The following CORIN variants were observed in gnomAD, a reference collection of about 807,000 sequenced individuals.
CORIN encodes the protein atrial natriuretic peptide-converting enzyme.
Under a neutral mutation model 125.3 loss-of-function variants are expected in CORIN, and 117 were observed. The ratio of observed to expected loss-of-function variants is 0.93; its 90% CI spans 0.80 to 1.09. The LOEUF (loss-of-function observed/expected upper bound fraction) is 1.09. Ranked by LOEUF, CORIN falls within the 50% of genes least tolerant of loss-of-function variation. The pLI, the probability that CORIN is intolerant of heterozygous loss-of-function variation, is 0.00. For missense variants in CORIN, 1,253 were observed against 1,306.7 expected, an observed-to-expected ratio of 0.96 and a Z score of 0.63; for synonymous variants, 450 against 466.4, an observed-to-expected ratio of 0.96 and a Z score of 0.45.
chr4:47,750,261 C>G (rs183042902), intron 4 of CORIN, among the ~76,000 whole-genome samples: 1 of 152,138 alleles, frequency 6.6e-6, no homozygotes, highest in Non-Finnish European at 1.5e-5. Context: ...CTCCACTAAA[C>G]GTGGGGATGG....
At chr4:47,613,356 G>A (rs954785602) in intron 19 of CORIN, among the ~76,000 whole-genome samples, 4 of 152,184 alleles carry the variant, frequency 2.6e-5, no homozygotes, top group Non-Finnish European at 4.4e-5. Context: ...GGGAGGCTGA[G>A]GCAGGAGAAT....
intron 4 of CORIN, among the ~76,000 whole-genome samples, chr4:47,749,502 G>A (rs756283142): frequency 9.2e-5 from 14 of 152,150 alleles, no homozygotes; most frequent in Non-Finnish European, 1.6e-4. Flanking sequence ...ATCCTTCCCA[G>A]GTCAAGCCTT....
At chr4:47,618,231 G>A (rs1722144834) in intron 19 of CORIN, among the ~76,000 whole-genome samples, 1 of 151,882 alleles carries the variant, frequency 6.6e-6, no homozygotes, top group African/African-American at 2.4e-5. Context: ...CTACTTGGGA[G>A]GCTGAGGCAG....
At position 47,665,051 on chromosome 4, in the gene CORIN, C is replaced by A. The variant is rs755588946; in HGVS notation, c.1570G>T (p.Glu524Ter). 1 of 1,610,034 alleles carries A rather than the reference C, an allele frequency of 6.2e-7. No homozygotes were observed. ...LVPKCDVNTG[E>*]HIPPCRALCE... ...TATTACCTGCAAGGAGGGATATGCT[C>A]GCCTGTATTCACATCACATTTTGGT... is the stretch of plus-strand genomic sequence containing the variant. Residue 524 changes from glutamate to a stop codon, truncating the protein, a stop_gained, in exon 11 of 22, where the codon GAG becomes TAG. Coordinates refer to ENST00000273857, the MANE Select transcript of CORIN (RefSeq NM_006587.4). LOFTEE classifies it high-confidence loss of function.
At chr4:47,798,658 ATTTATTAAAAGAATGTT>A (rs1332244133) in intron 2 of CORIN, among the ~76,000 whole-genome samples, 1 of 152,204 alleles carries the variant, frequency 6.6e-6, no homozygotes, top group East Asian at 1.9e-4. Context: ...CTGGTACAGA[ATTTATTAAAAGAATGTT>A]TTTAATTTTT....
intron 6 of CORIN, among the ~76,000 whole-genome samples, chr4:47,689,680 T>G (rs1200963269): frequency 1.3e-5 from 2 of 152,232 alleles, no homozygotes; most frequent in Admixed American, 6.5e-5. Context: ...TCCTAGGCAC[T>G]ATTCTAGGAG....
chr4:47,749,765 T>C (rs77535651), intron 4 of CORIN, among the ~76,000 whole-genome samples: 4 of 152,236 alleles, frequency 2.6e-5, no homozygotes, highest in Non-Finnish European at 5.9e-5. Context: ...CACACAATCA[T>C]CTTTTTAAAA....
At chr4:47,700,693 G>C (rs1031368456) in intron 5 of CORIN, among the ~76,000 whole-genome samples, 2 of 152,184 alleles carry the variant, frequency 1.3e-5, no homozygotes, top group Non-Finnish European at 2.9e-5. Context: ...GGTCCCCAGG[G>C]TCCAGCTTTC....
intron 5 of CORIN, among the ~76,000 whole-genome samples, chr4:47,721,623 C>A (rs943243062): frequency 1.3e-5 from 2 of 152,142 alleles, no homozygotes; most frequent in Non-Finnish European, 2.9e-5. Context: ...CTAATACCAT[C>A]CTCTTGGGGT....
At chr4:47,745,430 T>C (rs1728618846) in intron 4 of CORIN, among the ~76,000 whole-genome samples, 1 of 152,234 alleles carries the variant, frequency 6.6e-6, no homozygotes, top group African/African-American at 2.4e-5. Flanking sequence ...GACATGTCAG[T>C]TAAATCAAAG....
intron 19 of CORIN, among the ~76,000 whole-genome samples, chr4:47,606,377 C>G (rs994172266): frequency 6.6e-6 from 1 of 152,108 alleles, no homozygotes; most frequent in Non-Finnish European, 1.5e-5. Flanking sequence ...CTCAGCCCCC[C>G]ACCAAGTAGC....
intron 1 of CORIN, among the ~76,000 whole-genome samples, chr4:47,832,410 TTTC>T (rs1425766444): frequency 1.3e-5 from 2 of 151,752 alleles, no homozygotes; most frequent in South Asian, 2.1e-4. Flanking sequence ...AGGAAAACTT[TTTC>T]TTTTCTTTTC....
chr4:47,622,147 A>G (rs570982970), intron 19 of CORIN, among the ~76,000 whole-genome samples: 92 of 149,980 alleles, frequency 6.1e-4, no homozygotes, highest in Middle Eastern at 6.8e-3. Context: ...ATGATTTCCA[A>G]TTTCATCCAT....
At chr4:47,639,443 G>A (rs1723155670) in intron 16 of CORIN, among the ~76,000 whole-genome samples, 1 of 152,104 alleles carries the variant, frequency 6.6e-6, no homozygotes, top group African/African-American at 2.4e-5. Context: ...CCAATGCCTA[G>A]TCCAGTACAA....
chr4:47,743,483 A>G (rs1266659933), intron 5 of CORIN, among the ~76,000 whole-genome samples: 3 of 152,276 alleles, frequency 2.0e-5, no homozygotes, highest in African/African-American at 4.8e-5. Context: ...AAAGATTGGG[A>G]AGGATTTGGA....
intron 4 of CORIN, among the ~76,000 whole-genome samples, chr4:47,745,878 T>G (rs1728642619): frequency 6.6e-6 from 1 of 152,202 alleles, no homozygotes; most frequent in South Asian, 2.1e-4. Flanking sequence ...TACATTCAGA[T>G]AAAAATATCT....
intron 6 of CORIN, among the ~76,000 whole-genome samples, chr4:47,689,721 T>C (rs1370876203): frequency 1.3e-5 from 2 of 152,180 alleles, no homozygotes; most frequent in East Asian, 3.8e-4. Context: ...TTATAGAATC[T>C]TAACAACAAA....
rs1159927622 is a variant in CORIN, at chr4:47,595,088, C to T, written c.*633G>A. On this transcript the variant is annotated 3_prime_UTR_variant, in exon 22 of 22. Transcript: ENST00000273857. ...CATTAGAAGGGGGTAATAGTAAATACTTTAAACATGTAAATTATCTTGGCT... is the reference window on the plus strand; with the variant it reads ...CATTAGAAGGGGGTAATAGTAAATATTTTAAACATGTAAATTATCTTGGCT... 6.6e-6 allele frequency: 1 copy of T among 152,118 alleles called. No homozygotes were observed. The highest frequency in any genetic ancestry group is 2.4e-5 in the African/African-American group (1 of 41,434). 9.4% of individuals were successfully genotyped at this position (152,118 alleles called of 1,614,324 possible).
intron 19 of CORIN, among the ~76,000 whole-genome samples, chr4:47,619,228 T>A (rs61759675): frequency 1.3e-4 from 20 of 152,180 alleles, no homozygotes; most frequent in South Asian, 2.1e-4. Context: ...TGATTTTAAA[T>A]TTTCATTTGG....
Sources: gnomAD v4.1 joint callset for allele counts (sites outside exome capture counted in the v4.1 genomes callset) on GRCh38, gnomAD v4.1.1 for gene constraint, MANE v1.5 for transcripts, NCBI Gene and HGNC (gene_info 2026-07-23, HGNC 2026-07-21) for gene names.